ATP1A4: variants seen among roughly 807,000 people sequenced by gnomAD.
ATP1A4 encodes the protein ATPase Na+/K+ transporting subunit alpha 4, also known as sodium/potassium-transporting ATPase subunit alpha-4.
A neutral mutation model predicts 114.3 loss-of-function variants in ATP1A4; 90 were observed. The observed-to-expected ratio is 0.79, with a 90% CI of 0.66 to 0.94. ATP1A4 has a LOEUF of 0.94. Ranked by LOEUF, ATP1A4 falls within the 40% of genes least tolerant of loss-of-function variation. The probability of loss-of-function intolerance (pLI) is 0.00; values close to 1 mark genes in which losing one functional copy is unlikely to be tolerated. For synonymous variants in ATP1A4, 511 were observed against 494.1 expected (o/e 1.03, Z -0.45); for missense variants, 1,222 against 1,313.6 (o/e 0.93, Z 1.08).
chr1:160,175,342 C>G (rs953735655), intron 15 of ATP1A4, among the ~76,000 whole-genome samples: 2 of 152,246 alleles, frequency 1.3e-5, no homozygotes, highest in African/African-American at 4.8e-5. Flanking sequence ...ACATCATAAT[C>G]ATGATTACCA....
intron 7 of ATP1A4, 86 bp downstream of exon 7, chr1:160,164,510 C>A: frequency 2.8e-6 from 4 of 1,421,858 alleles, no homozygotes; most frequent in Non-Finnish European, 3.9e-6. Flanking sequence ...TGTTGTTGAA[C>A]CTTTCAAGTG....
At chr1:160,174,029 A>C in intron 13 of ATP1A4, 82 bp from the exon 14 acceptor site, 1 of 1,499,056 alleles carries the variant, frequency 6.7e-7, no homozygotes, top group South Asian at 1.3e-5. Flanking sequence ...AGAAGCAATG[A>C]AGCTATAGTC....
At chr1:160,171,216 T>G in intron 10 of ATP1A4, 35 bp from the exon 11 acceptor site, 1 of 1,585,140 alleles carries the variant, frequency 6.3e-7, no homozygotes, top group Non-Finnish European at 8.6e-7. Context: ...TGGTCTCTCC[T>G]CCTGTCCCAT....
Position 160,153,465 on chromosome 1 carries a change from AC to A in ATP1A4, c.207+242del, listed in dbSNP as rs1652529210. On this transcript the variant is annotated intron_variant, in intron 2 of 21. Transcript: ENST00000368081. The stretch of plus-strand genomic sequence containing the variant: ...AATGCTTTAGGGCAGTGCTGGTCAA[AC>A]GTCTTGTCCTTAGGTCTCCTTTACA... Among the ~76,000 whole-genome samples the A allele has an allele frequency of 3.3e-5, 5 of 152,304 alleles. No individual in the cohort carries two copies. The South Asian group carries it at 1.0e-3, about 32-fold the overall frequency.
intron 21 of ATP1A4, 24 bp downstream of exon 21, chr1:160,186,391 C>G (rs981034202): frequency 1.9e-6 from 3 of 1,571,868 alleles, no homozygotes; most frequent in Non-Finnish European, 2.6e-6. Context: ...GGGCCCCGCT[C>G]TGACTGAGTG....
At chr1:160,174,349 G>T in intron 14 of ATP1A4, 88 bp downstream of exon 14, 1 of 1,563,810 alleles carries the variant, frequency 6.4e-7, no homozygotes. Context: ...CATGTGGGCT[G>T]GGCTAGAGGA....
Position 160,155,233 on chromosome 1 carries a change from G to T in ATP1A4, c.396G>T (p.Glu132Asp). 1 of 1,613,338 alleles carries T rather than the reference G, an allele frequency of 6.2e-7. No individual in the cohort carries two copies. Among genetic ancestry groups the T allele is most frequent in the East Asian group, 2.2e-5 (1 of 44,860 alleles). Reference sequence around the variant, plus strand: ...GCATCCAGATATATTTCAATGAGGAGCCTACCAAAGACAACGTGAGTCTCT... The same window carrying T: ...GCATCCAGATATATTTCAATGAGGATCCTACCAAAGACAACGTGAGTCTCT... ...AYSIQIYFNE[E>D]PTKDNLYLSI... The change falls in exon 3 of 22, where the codon GAG becomes GAT. Residue 132 changes from glutamate to aspartate, a missense_variant. Physicochemically the swap from Glu to Asp is conservative, Grantham distance 45. Transcript: ENST00000368081.
intron 6 of ATP1A4, 114 bp from the exon 7 acceptor site, chr1:160,164,042 C>A: frequency 7.5e-7 from 1 of 1,325,718 alleles, no homozygotes; most frequent in Non-Finnish European, 1.0e-6. Context: ...CTCCTAGCAC[C>A]CCTATCTTTA....
chr1:160,166,252 C>G (rs1653030816), intron 7 of ATP1A4, among the ~76,000 whole-genome samples: 1 of 152,160 alleles, frequency 6.6e-6, no homozygotes, highest in Non-Finnish European at 1.5e-5. Context: ...CTGGGTAACA[C>G]AGAGTGAGAC....
At chr1:160,177,808 C>A in intron 18 of ATP1A4, 144 bp downstream of exon 18, 1 of 856,192 alleles carries the variant, frequency 1.2e-6, no homozygotes, top group Non-Finnish European at 1.8e-6. Context: ...CTGTATGAGC[C>A]TTCTCACACT....
chr1:160,176,357 G>T (rs986423833), intron 16 of ATP1A4, 111 bp downstream of exon 16: 2 of 1,581,386 alleles, frequency 1.3e-6, no homozygotes, highest in African/African-American at 1.3e-5. Context: ...TTATGATCCA[G>T]CTCTCGCACC....
intron 20 of ATP1A4, 84 bp from the exon 21 acceptor site, chr1:160,186,192 G>A (rs1475989302): frequency 2.2e-5 from 19 of 845,218 alleles, no homozygotes; most frequent in East Asian, 2.2e-4. Flanking sequence ...GCAATGAAAC[G>A]TGCAATTCCT....
intron 18 of ATP1A4, among the ~76,000 whole-genome samples, chr1:160,180,808 G>A (rs1002105447): frequency 6.4e-5 from 9 of 140,400 alleles, no homozygotes; most frequent in South Asian, 2.3e-4. Context: ...TCCGCCTCCC[G>A]GGTTCACACC....
intron 18 of ATP1A4, 77 bp from the exon 19 acceptor site, chr1:160,181,607 A>T: frequency 6.5e-7 from 1 of 1,531,018 alleles, no homozygotes; most frequent in African/African-American, 1.4e-5. Context: ...GGGTCCTGGA[A>T]GGTGGGAGAG....
Position 160,177,507 on chromosome 1 carries a change from T to C in ATP1A4, c.2591-12T>C, listed in dbSNP as rs1273507084. ...ACCAGGCTCCCCTGTCCTGCAACTC[T>C]GTCATTCACAGGGATGATCCAGGCT... On this transcript the variant is annotated splice_polypyrimidine_tract_variant and intron_variant, in intron 17 of 21. Coordinates refer to ENST00000368081, the MANE Select transcript of ATP1A4 (RefSeq NM_144699.4). 4 of 1,613,498 alleles carry C rather than the reference T, an allele frequency of 2.5e-6. No homozygotes were observed. The African/African-American group carries it at 5.3e-5, about 22-fold the overall frequency.
intron 21 of ATP1A4, 117 bp downstream of exon 21, chr1:160,186,484 C>T: frequency 9.3e-7 from 1 of 1,071,486 alleles, no homozygotes; most frequent in Non-Finnish European, 1.4e-6. Context: ...TCGCTGCCAG[C>T]CTTGACTGCG....
intron 12 of ATP1A4, 67 bp from the exon 13 acceptor site, chr1:160,173,514 G>A (rs986870217): frequency 1.6e-5 from 26 of 1,581,750 alleles, no homozygotes; most frequent in Non-Finnish European, 1.8e-5. Flanking sequence ...AGTTCTCAGA[G>A]GAGAAAAATG....
chr1:160,168,728 G>A (rs1653132622), intron 10 of ATP1A4, among the ~76,000 whole-genome samples: 2 of 152,106 alleles, frequency 1.3e-5, no homozygotes, highest in Admixed American at 6.5e-5. Context: ...GTTTTACACT[G>A]AAAACTGAGC....
intron 16 of ATP1A4, 75 bp downstream of exon 16, chr1:160,176,321 T>C: frequency 5.0e-6 from 8 of 1,597,738 alleles, no homozygotes; most frequent in Non-Finnish European, 6.9e-6. Context: ...CCTGGAGCTA[T>C]CTTACTAAAA....
Sources: allele counts gnomAD v4.1 joint callset (sites outside exome capture counted in the v4.1 genomes callset), GRCh38; gene constraint gnomAD v4.1.1; transcripts MANE v1.5; gene names NCBI Gene and HGNC (gene_info 2026-07-23, HGNC 2026-07-21).